The following VPS50 variants were observed in gnomAD, a reference collection of about 807,000 sequenced individuals.
The protein encoded by VPS50 is VPS50 subunit of EARP/GARPII complex, also known as syndetin.
In VPS50, 70 loss-of-function variants were observed where a neutral mutation model predicts 139.7. The observed-to-expected ratio is 0.50, with a 90% confidence interval of 0.41 to 0.61. The LOEUF is 0.61. Ranked by LOEUF, VPS50 falls within the 20% of genes least tolerant of loss-of-function variation. VPS50 has a pLI of 0.00. For missense variants in VPS50, 921 were observed against 1,133.7 expected (o/e 0.81, Z 2.69); for synonymous variants, 365 against 376.7 (o/e 0.97, Z 0.36).
intron 23 of VPS50, among the ~76,000 whole-genome samples, chr7:93,346,890 A>G (rs1279654004): frequency 2.1e-5 from 3 of 140,552 alleles, no homozygotes; most frequent in Non-Finnish European, 4.6e-5. Flanking sequence ...AAACCTAGGC[A>G]TTACCATTCA....
intron 18 of VPS50, among the ~76,000 whole-genome samples, chr7:93,308,033 T>A (rs1199928493): frequency 1.3e-5 from 2 of 151,966 alleles, no homozygotes; most frequent in Non-Finnish European, 2.9e-5. Flanking sequence ...GCACTTAGCA[T>A]AATACTTGGT....
intron 9 of VPS50, among the ~76,000 whole-genome samples, chr7:93,260,598 A>C (rs2116846539): frequency 6.6e-6 from 1 of 151,054 alleles, no homozygotes; most frequent in East Asian, 1.9e-4. Context: ...AGGGCTAGAT[A>C]TTTTCCTCCC....
At chr7:93,258,427 C>T (rs1486441393) in intron 8 of VPS50, 35 bp downstream of exon 8, 7 of 1,530,774 alleles carry the variant, frequency 4.6e-6, no homozygotes, top group African/African-American at 2.7e-5. Flanking sequence ...TAGGGTCCTA[C>T]TGATATATAG....
At chr7:93,320,362 C>CTT (rs749578332) in intron 20 of VPS50, 3 of 97,124 alleles carry the variant, frequency 3.1e-5, no homozygotes, top group Non-Finnish European at 6.6e-5. Flanking sequence ...TTTTCTTTTT[C>CTT]TTTTTTTTTT....
chr7:93,248,586 C>A (rs1385533767), intron 2 of VPS50, among the ~76,000 whole-genome samples: 1 of 151,928 alleles, frequency 6.6e-6, no homozygotes, highest in African/African-American at 2.4e-5. Flanking sequence ...AGCATATTGT[C>A]TTTTCCTTTC....
At chr7:93,266,000 G>T (rs1329406778) in intron 9 of VPS50, among the ~76,000 whole-genome samples, 1 of 152,120 alleles carries the variant, frequency 6.6e-6, no homozygotes, top group African/African-American at 2.4e-5. Flanking sequence ...ACACTTCATG[G>T]TACTTAAGAG....
intron 6 of VPS50, 134 bp downstream of exon 6, chr7:93,257,598 A>G: frequency 1.8e-6 from 1 of 563,954 alleles, no homozygotes; most frequent in Non-Finnish European, 3.1e-6. Flanking sequence ...GTGAACATAT[A>G]TCATGATCTA....
chr7:93,308,774 C>A (rs771564017), intron 18 of VPS50, 50 bp from the exon 19 acceptor site: 2 of 955,486 alleles, frequency 2.1e-6, no homozygotes, highest in Admixed American at 1.8e-5. Context: ...AGACACCCCA[C>A]GAAAAGAGGC....
intron 12 of VPS50, among the ~76,000 whole-genome samples, chr7:93,279,861 G>T (rs1796270567): frequency 6.6e-6 from 1 of 152,104 alleles, no homozygotes; most frequent in Non-Finnish European, 1.5e-5. Context: ...GGGAATAATT[G>T]TGCTTCCTTT....
At chr7:93,308,987 C>A in intron 19 of VPS50, 45 bp downstream of exon 19, 1 of 1,009,372 alleles carries the variant, frequency 9.9e-7, no homozygotes. Context: ...TTATCTTGTG[C>A]TCTTAACATA....
rs778722188 is a variant in VPS50 at position 93,334,109 on chromosome 7, T to C, written c.1978-8T>C. 1 of 1,528,334 alleles carries C rather than the reference T, an allele frequency of 6.5e-7. No homozygotes were observed. The highest frequency in any genetic ancestry group is 9.0e-7 in the Non-Finnish European group (1 of 1,110,370). 94.7% of individuals were successfully genotyped at this position (1,528,334 alleles called of 1,614,324 possible). A position where few individuals can be genotyped will look rare whatever the true frequency, so the allele number is the denominator to read the frequency against. Reference sequence around the variant, plus strand: ...TAGAACGATATAACAAGCCTTTTTCTTTTTCAGTTGGAATCAACTGGACTC... The same window carrying C: ...TAGAACGATATAACAAGCCTTTTTCCTTTTCAGTTGGAATCAACTGGACTC... On this transcript the variant is annotated splice_polypyrimidine_tract_variant and splice_region_variant and intron_variant, in intron 21 of 27. Coordinates refer to ENST00000305866, the MANE Select transcript of VPS50 (RefSeq NM_017667.4).
At chr7:93,295,602 C>G (rs1163473268) in intron 14 of VPS50, among the ~76,000 whole-genome samples, 1 of 152,138 alleles carries the variant, frequency 6.6e-6, no homozygotes, top group Non-Finnish European at 1.5e-5. Flanking sequence ...TTTTGGACTT[C>G]TTTGAACCTT....
intron 25 of VPS50, 83 bp from the exon 26 acceptor site, chr7:93,353,557 C>T: frequency 1.4e-6 from 2 of 1,440,960 alleles, no homozygotes; most frequent in Non-Finnish European, 1.9e-6. Flanking sequence ...CTTTCTAAAT[C>T]TTTTTTATTT....
At chr7:93,329,340 A>C (rs1462199706) in intron 21 of VPS50, among the ~76,000 whole-genome samples, 1 of 152,202 alleles carries the variant, frequency 6.6e-6, no homozygotes, top group Admixed American at 6.5e-5. Context: ...TATACTTAAC[A>C]GCCAAATGGA....
At chr7:93,300,148 G>A (rs989285204) in intron 16 of VPS50, among the ~76,000 whole-genome samples, 6 of 152,058 alleles carry the variant, frequency 3.9e-5, no homozygotes, top group African/African-American at 1.4e-4. Flanking sequence ...CATAGAAAAT[G>A]TGAATTTTGA....
chr7:93,289,334 T>C (rs1016427073), intron 12 of VPS50, among the ~76,000 whole-genome samples: 1 of 152,162 alleles, frequency 6.6e-6, no homozygotes. Flanking sequence ...AGTGTGTTCA[T>C]GTGCATTTTT....
intron 2 of VPS50, among the ~76,000 whole-genome samples, chr7:93,247,268 A>T (rs2116802988): frequency 6.6e-6 from 1 of 152,030 alleles, no homozygotes; most frequent in South Asian, 2.1e-4. Context: ...ATGTGTTAAG[A>T]TGTTTTACTT....
intron 23 of VPS50, among the ~76,000 whole-genome samples, chr7:93,344,299 A>G (rs1045154424): frequency 3.9e-5 from 6 of 152,148 alleles, no homozygotes; most frequent in African/African-American, 1.4e-4. Flanking sequence ...ATATATATGC[A>G]CCCCAATACA....
chr7:93,334,365 A>G (rs1798016668), intron 22 of VPS50, among the ~76,000 whole-genome samples, 168 bp downstream of exon 22: 2 of 152,226 alleles, frequency 1.3e-5, no homozygotes, highest in African/African-American at 4.8e-5. Context: ...CTGATCAGAG[A>G]GAAACTAGTA....
Sources: allele counts gnomAD v4.1 joint callset (sites outside exome capture counted in the v4.1 genomes callset), GRCh38; gene constraint gnomAD v4.1.1; transcripts MANE v1.5; gene names NCBI Gene and HGNC (gene_info 2026-07-23, HGNC 2026-07-21).